PRIM2: variants seen among roughly 807,000 people sequenced by gnomAD.
The protein encoded by PRIM2 is DNA primase large subunit.
A neutral mutation model predicts 67.3 loss-of-function variants in PRIM2; 39 were observed. The observed-to-expected ratio is 0.58, with a 90% CI of 0.45 to 0.76. The LOEUF (loss-of-function observed/expected upper bound fraction) is 0.76. PRIM2 is among the 30% of genes least tolerant of loss of function. PRIM2 has a pLI of 0.00. For synonymous variants in PRIM2, 143 were observed against 198.7 expected (o/e 0.72, Z 2.36); for missense variants, 398 against 598.7 (o/e 0.66, Z 3.50).
chr6:57,269,010 C>A, the PRIM2 span, among the ~76,000 whole-genome samples: 2 of 151,904 alleles, frequency 1.3e-5, no homozygotes, highest in African/African-American at 4.8e-5. Flanking sequence ...ATATGTGCCA[C>A]ATTTTCTTAA....
chr6:57,279,879 C>T, the PRIM2 span, among the ~76,000 whole-genome samples: 2 of 152,222 alleles, frequency 1.3e-5, no homozygotes, highest in East Asian at 3.9e-4. Context: ...TGGCTGAGTC[C>T]TAAGGGATAG....
intron 8 of PRIM2, among the ~76,000 whole-genome samples, chr6:57,529,511 G>T (rs1320180467): frequency 6.6e-6 from 1 of 152,114 alleles, no homozygotes; most frequent in Non-Finnish European, 1.5e-5. Context: ...TTAAATGGCA[G>T]CTATCAATTT....
chr6:57,444,396 G>T (rs955926954), intron 7 of PRIM2, among the ~76,000 whole-genome samples: 1 of 151,866 alleles, frequency 6.6e-6, no homozygotes, highest in Non-Finnish European at 1.5e-5. Flanking sequence ...CTGAAACCCC[G>T]TCTCTACTAA....
chr6:57,629,411 A>G (rs1264559443), intron 12 of PRIM2, among the ~76,000 whole-genome samples: 2 of 152,088 alleles, frequency 1.3e-5, no homozygotes, highest in African/African-American at 2.4e-5. Context: ...TCATATTCGC[A>G]TTTTCCCGAG....
chr6:57,310,774 CCAGA>C (rs1374721328), upstream of PRIM2, among the ~76,000 whole-genome samples: 3 of 150,824 alleles, frequency 2.0e-5, no homozygotes, highest in African/African-American at 4.9e-5. Context: ...TCCCCACCTC[CCAGA>C]CAAAGAGCGG....
intron 8 of PRIM2, among the ~76,000 whole-genome samples, chr6:57,519,543 A>G (rs1554348668): frequency 6.6e-6 from 1 of 152,222 alleles, no homozygotes; most frequent in African/African-American, 2.4e-5. Flanking sequence ...CCGGCTCACC[A>G]GCGGTCAGAG....
At chr6:57,514,802 A>G (rs1774447333) in intron 8 of PRIM2, among the ~76,000 whole-genome samples, 1 of 152,118 alleles carries the variant, frequency 6.6e-6, no homozygotes, top group Non-Finnish European at 1.5e-5. Flanking sequence ...TGGTCCCTTA[A>G]CTCAAGAAGC....
intron 7 of PRIM2, among the ~76,000 whole-genome samples, chr6:57,409,543 G>A (rs569999157): frequency 6.6e-6 from 1 of 152,134 alleles, no homozygotes; most frequent in African/African-American, 2.4e-5. Flanking sequence ...TTAACTTTAT[G>A]AGAAATTGCC....
intron 7 of PRIM2, among the ~76,000 whole-genome samples, chr6:57,431,647 T>TAA (rs375204842): frequency 1.4e-5 from 2 of 147,982 alleles, no homozygotes; most frequent in South Asian, 4.3e-4. Flanking sequence ...ACCCTGCCTT[T>TAA]AAAAAAAAAA....
At chr6:57,543,868 A>C (rs1775231576) in intron 10 of PRIM2, among the ~76,000 whole-genome samples, 1 of 152,204 alleles carries the variant, frequency 6.6e-6, no homozygotes, top group Non-Finnish European at 1.5e-5. Context: ...TGTCATCCAA[A>C]GTATAAATAT....
At chr6:57,556,689 G>A (rs1473281757) in intron 10 of PRIM2, among the ~76,000 whole-genome samples, 1 of 152,252 alleles carries the variant, frequency 6.6e-6, no homozygotes, top group South Asian at 2.1e-4. Context: ...AACCCTAGAA[G>A]ACAACCTAGA....
intron 7 of PRIM2, among the ~76,000 whole-genome samples, chr6:57,506,227 A>G: frequency 6.6e-6 from 1 of 152,098 alleles, no homozygotes. Context: ...TTAAATTAGT[A>G]ACTGTCGACG....
chr6:57,534,553 C>T (rs1159759075), intron 9 of PRIM2, among the ~76,000 whole-genome samples: 1 of 152,136 alleles, frequency 6.6e-6, no homozygotes, highest in East Asian at 1.9e-4. Context: ...AAGTATCCCT[C>T]CTGCTTCCAT....
chr6:57,576,595 G>A (rs1474644961), intron 10 of PRIM2, among the ~76,000 whole-genome samples: 19 of 151,266 alleles, frequency 1.3e-4, no homozygotes, highest in Admixed American at 9.9e-4. Context: ...ATCCTTTATC[G>A]TCATTCACAA....
At chr6:57,428,948 G>A (rs1771727109) in intron 7 of PRIM2, among the ~76,000 whole-genome samples, 1 of 152,034 alleles carries the variant, frequency 6.6e-6, no homozygotes. Context: ...GTTGATACTT[G>A]TAATCACCAC....
intron 7 of PRIM2, chr6:57,390,184 G>C (rs1770284994): frequency 6.5e-6 from 1 of 154,730 alleles, no homozygotes; most frequent in Non-Finnish European, 1.5e-5. Context: ...TAATGGCAAA[G>C]ACTGCAATTA....
intron 7 of PRIM2, among the ~76,000 whole-genome samples, chr6:57,399,695 A>G (rs570645060): frequency 0.015 from 2,316 of 152,114 alleles, 34 homozygotes; most frequent in African/African-American, 0.052. Flanking sequence ...CATCCTCTCC[A>G]GCACCTGTTG....
chr6:57,460,116 A>G (rs72875424), intron 7 of PRIM2, among the ~76,000 whole-genome samples: 79 of 151,798 alleles, frequency 5.2e-4, no homozygotes, highest in East Asian at 9.7e-4. Flanking sequence ...AAGCCAGTGC[A>G]AATGGTTTTT....
chr6:57,391,912 T>C (rs541189269), intron 7 of PRIM2, among the ~76,000 whole-genome samples: 14 of 152,276 alleles, frequency 9.2e-5, no homozygotes, highest in Non-Finnish European at 1.9e-4. Context: ...CTGTGAAGAA[T>C]GTCATTGATA....
Sources: allele counts gnomAD v4.1 joint callset (sites outside exome capture counted in the v4.1 genomes callset), GRCh38; gene constraint gnomAD v4.1.1; transcripts MANE v1.5; gene names NCBI Gene and HGNC (gene_info 2026-07-23, HGNC 2026-07-21).